The following NDUFAF1 variants were observed in gnomAD, a reference collection of about 807,000 sequenced individuals.
NDUFAF1 encodes complex I intermediate-associated protein 30, mitochondrial.
Under a neutral mutation model 28.7 loss-of-function variants are expected in NDUFAF1, and 18 were observed. The ratio of observed to expected loss-of-function variants is 0.63; its 90% CI spans 0.43 to 0.93. The LOEUF is 0.93. Ranked by LOEUF, NDUFAF1 falls within the 40% of genes least tolerant of loss-of-function variation. The pLI, the probability that NDUFAF1 is intolerant of heterozygous loss-of-function variation, is 0.00. For missense variants in NDUFAF1, 404 were observed against 398.3 expected (o/e 1.01, Z -0.12); for synonymous variants, 113 against 139.7 (o/e 0.81, Z 1.35).
chr15:41,398,828 G>A (rs1006582578), intron 1 of NDUFAF1, among the ~76,000 whole-genome samples: 8 of 151,850 alleles, frequency 5.3e-5, no homozygotes, highest in African/African-American at 1.5e-4. Context: ...GTTGGAGAGC[G>A]CCTGTAATCC....
At chr15:41,402,549 G>A (rs2050479877), upstream of NDUFAF1, 2 of 303,496 alleles carry the variant, frequency 6.6e-6, no homozygotes, top group African/African-American at 4.3e-5. Flanking sequence ...GAACACCAAA[G>A]TTCCGGCCGA....
chr15:41,391,495 C>T (rs769045875), intron 3 of NDUFAF1, among the ~76,000 whole-genome samples: 3 of 151,206 alleles, frequency 2.0e-5, no homozygotes, highest in Non-Finnish European at 4.4e-5. Flanking sequence ...CGTTGTGGTA[C>T]ACGCCTGTAG....
intron 3 of NDUFAF1, among the ~76,000 whole-genome samples, chr15:41,392,442 C>T (rs998922271): frequency 1.3e-5 from 2 of 152,042 alleles, no homozygotes; most frequent in Non-Finnish European, 2.9e-5. Flanking sequence ...TCTCCCCACC[C>T]AAAATCTCAT....
chr15:41,388,812 G>A (rs771285125), intron 3 of NDUFAF1, among the ~76,000 whole-genome samples: 6 of 149,740 alleles, frequency 4.0e-5, no homozygotes, highest in East Asian at 2.0e-4. Context: ...GCCTGAACCC[G>A]GGAGGTAGAG....
At chr15:41,389,425 A>G (rs2050292222) in intron 3 of NDUFAF1, among the ~76,000 whole-genome samples, 1 of 152,010 alleles carries the variant, frequency 6.6e-6, no homozygotes, top group African/African-American at 2.4e-5. Flanking sequence ...TTTTAAAAAC[A>G]CAAAAAACAG....
chr15:41,390,657 G>A (rs1037100559), intron 3 of NDUFAF1, among the ~76,000 whole-genome samples: 7 of 151,708 alleles, frequency 4.6e-5, no homozygotes, highest in Non-Finnish European at 7.4e-5. Context: ...CCCGGGAGGC[G>A]GAGCTTGCAG....
chr15:41,393,563 T>G (rs952645583), intron 3 of NDUFAF1, among the ~76,000 whole-genome samples: 1 of 151,026 alleles, frequency 6.6e-6, no homozygotes, highest in African/African-American at 2.4e-5. Context: ...GTGCTGGGAT[T>G]ACAGGCGTAA....
chr15:41,400,688 ATTTTTTTTT>A (rs58010983), intron 1 of NDUFAF1, among the ~76,000 whole-genome samples: 2 of 97,822 alleles, frequency 2.0e-5, no homozygotes, highest in Admixed American at 1.2e-4. Context: ...ATGCCCAGCT[ATTTTTTTTT>A]TTTTTTTTTT....
chr15:41,399,367 G>A (rs1487834837), intron 1 of NDUFAF1, among the ~76,000 whole-genome samples: 2 of 151,502 alleles, frequency 1.3e-5, no homozygotes, highest in Non-Finnish European at 2.9e-5. Flanking sequence ...TTGCACTCCA[G>A]CCTGGGCGAC....
chr15:41,387,742 A>T, intron 4 of NDUFAF1, 149 bp from the exon 5 acceptor site: 2 of 657,122 alleles, frequency 3.0e-6, no homozygotes, highest in South Asian at 3.7e-5. Context: ...CCCATAGCAT[A>T]CTGTAAGAGG....
chr15:41,391,605 C>T (rs1472082800), intron 3 of NDUFAF1, among the ~76,000 whole-genome samples: 1 of 123,124 alleles, frequency 8.1e-6, no homozygotes, highest in Non-Finnish European at 1.7e-5. Flanking sequence ...GAGACTCCAT[C>T]TTAAAAAAAA....
chr15:41,390,921 A>G (rs1189879070), intron 3 of NDUFAF1, among the ~76,000 whole-genome samples: 1 of 151,166 alleles, frequency 6.6e-6, no homozygotes, highest in Admixed American at 6.6e-5. Context: ...AGTCCCAGCT[A>G]CTCGGGAGGC....
intron 1 of NDUFAF1, among the ~76,000 whole-genome samples, chr15:41,400,526 T>C (rs574501083): frequency 7.5e-4 from 113 of 151,526 alleles, no homozygotes; most frequent in African/African-American, 2.7e-3. Context: ...CCTAATACTT[T>C]TTTTTTTCTT....
rs1478488864 is a variant in NDUFAF1, at chr15:41,396,928, AGCCACT to A, written c.126_131del (p.Val43_Ala44del). ...TCTGTGAGGAGGCTTTGCCAGGAGA[AGCCACT>A]GGTTTCTGAAGACTACTGGAATACT... is the stretch of plus-strand genomic sequence containing the variant. On this transcript the variant is annotated inframe_deletion, in exon 2 of 5. Transcript: ENST00000260361. 6.2e-7 allele frequency: 1 copy of A among 1,613,878 alleles called. No homozygotes were observed. Among genetic ancestry groups the A allele is most frequent in the Admixed American group, 1.7e-5 (1 of 59,908 alleles).
chr15:41,394,330 G>C (rs904281406), intron 3 of NDUFAF1: 4 of 1,287,346 alleles, frequency 3.1e-6, no homozygotes, highest in African/African-American at 1.5e-5. Flanking sequence ...CACCACGCAG[G>C]CCTAGGACAC....
At chr15:41,393,612 T>G (rs1402166391) in intron 3 of NDUFAF1, among the ~76,000 whole-genome samples, 2 of 134,272 alleles carry the variant, frequency 1.5e-5, no homozygotes, top group African/African-American at 6.0e-5. Flanking sequence ...AGATGGAGTC[T>G]CACTCTGTCG....
At chr15:41,399,557 CAA>C (rs1230422126) in intron 1 of NDUFAF1, among the ~76,000 whole-genome samples, 1 of 134,138 alleles carries the variant, frequency 7.5e-6, no homozygotes. Context: ...AACTCTGTCT[CAA>C]AAAAAAAAAT....
intron 1 of NDUFAF1, among the ~76,000 whole-genome samples, chr15:41,397,851 C>G (rs2050411859): frequency 6.7e-6 from 1 of 150,198 alleles, no homozygotes; most frequent in Admixed American, 6.7e-5. Flanking sequence ...ATGGTGAAAC[C>G]CCGTCTCTAC....
At chr15:41,392,235 G>A (rs1449862275) in intron 3 of NDUFAF1, among the ~76,000 whole-genome samples, 1 of 151,950 alleles carries the variant, frequency 6.6e-6, no homozygotes, top group East Asian at 1.9e-4. Context: ...ACCACCTGCT[G>A]CTAATTTTTT....
Sources: gnomAD v4.1 joint callset for allele counts (sites outside exome capture counted in the v4.1 genomes callset) on GRCh38, gnomAD v4.1.1 for gene constraint, MANE v1.5 for transcripts, NCBI Gene and HGNC (gene_info 2026-07-23, HGNC 2026-07-21) for gene names.